Variants in CEP112 observed in about 807,000 individuals in gnomAD.
The protein encoded by CEP112 is centrosomal protein 112.
CEP112 carries 127 observed loss-of-function variants against 153.0 expected under a neutral mutation model. The ratio of observed to expected loss-of-function variants is 0.83; its 90% CI spans 0.72 to 0.96. The LOEUF (loss-of-function observed/expected upper bound fraction) is 0.96. Ranked by LOEUF, CEP112 falls within the 40% of genes least tolerant of loss-of-function variation. CEP112 has a pLI of 0.00. For missense variants in CEP112, 1,089 were observed against 1,101.2 expected, an observed-to-expected ratio of 0.99 and a Z score of 0.16; for synonymous variants, 358 against 374.4, an observed-to-expected ratio of 0.96 and a Z score of 0.51.
At chr17:65,659,173 T>G (rs1226832859) in intron 24 of CEP112, among the ~76,000 whole-genome samples, 2 of 152,030 alleles carry the variant, frequency 1.3e-5, no homozygotes, top group African/African-American at 4.8e-5. Flanking sequence ...TAAGAAGAAA[T>G]TAATTTGTTG....
chr17:65,807,903 G>T (rs1262615316), intron 21 of CEP112, among the ~76,000 whole-genome samples: 1 of 152,248 alleles, frequency 6.6e-6, no homozygotes, highest in Non-Finnish European at 1.5e-5. Flanking sequence ...CCCCACTGGG[G>T]CACTGCCTAG....
chr17:65,981,474 A>C (rs1275680298), intron 17 of CEP112, among the ~76,000 whole-genome samples: 1 of 152,206 alleles, frequency 6.6e-6, no homozygotes. Flanking sequence ...TTCTTCCTTT[A>C]AAATTTAACA....
chr17:65,979,195 A>T (rs2063140301), intron 17 of CEP112, among the ~76,000 whole-genome samples: 1 of 151,732 alleles, frequency 6.6e-6, no homozygotes, highest in Admixed American at 6.6e-5. Context: ...TAAGAAGAAA[A>T]TTATATTCAG....
intron 19 of CEP112, among the ~76,000 whole-genome samples, chr17:65,926,062 T>C (rs1303576348): frequency 1.3e-5 from 2 of 152,206 alleles, no homozygotes; most frequent in African/African-American, 4.8e-5. Flanking sequence ...TATTACTAAG[T>C]AAGAGGCAGA....
At position 66,114,439 on chromosome 17, in the gene CEP112, A is replaced by C. The variant is rs554691172; in HGVS notation, c.642+15307T>G. Among the ~76,000 whole-genome samples, 34 of 152,298 alleles carry C rather than the reference A, an allele frequency of 2.2e-4. No individual in the cohort carries two copies. In the South Asian group the frequency reaches 6.8e-3, roughly 31 times the overall value. On this transcript the variant is annotated intron_variant, in intron 6 of 26. Transcript: ENST00000535342. ...TACATTTCCAGAAAAATTAAAAGGC[A>C]CTTTATCTGATATACTATCTTAGCA...
intron 4 of CEP112, among the ~76,000 whole-genome samples, chr17:66,158,576 C>A (rs549707497): frequency 6.6e-6 from 1 of 152,096 alleles, no homozygotes; most frequent in Non-Finnish European, 1.5e-5. Context: ...CGCGCCACTG[C>A]ACTCCAGCCT....
intron 19 of CEP112, among the ~76,000 whole-genome samples, chr17:65,907,919 G>A (rs931910775): frequency 2.6e-5 from 4 of 152,122 alleles, no homozygotes; most frequent in Non-Finnish European, 5.9e-5. Context: ...AATGTCTAAC[G>A]GAGTTAATGA....
chr17:65,675,133 A>G (rs1228101309), intron 24 of CEP112, among the ~76,000 whole-genome samples: 3 of 152,248 alleles, frequency 2.0e-5, no homozygotes, highest in African/African-American at 7.2e-5. Context: ...CAGAATAAAT[A>G]CAGACATAGG....
chr17:66,156,668 CA>C (rs1248713307), intron 4 of CEP112, among the ~76,000 whole-genome samples: 1 of 152,010 alleles, frequency 6.6e-6, no homozygotes, highest in African/African-American at 2.4e-5. Context: ...CTAGAATAAC[CA>C]GTTTAGAGAA....
intron 21 of CEP112, among the ~76,000 whole-genome samples, chr17:65,769,765 G>C (rs775467208): frequency 1.1e-4 from 17 of 151,926 alleles, no homozygotes; most frequent in Admixed American, 7.9e-4. Context: ...AAAATCAACT[G>C]TCTCTCCAAA....
chr17:65,831,285 CA>C (rs2057068022), intron 21 of CEP112, among the ~76,000 whole-genome samples: 1 of 152,174 alleles, frequency 6.6e-6, no homozygotes, highest in African/African-American at 2.4e-5. Flanking sequence ...AGGCCAGGCG[CA>C]GTGGCTCATG....
intron 20 of CEP112, among the ~76,000 whole-genome samples, chr17:65,853,373 A>G (rs1222823672): frequency 6.6e-6 from 1 of 152,158 alleles, no homozygotes; most frequent in Non-Finnish European, 1.5e-5. Flanking sequence ...GACACTGGTC[A>G]TACTGGATTT....
intron 17 of CEP112, among the ~76,000 whole-genome samples, chr17:65,991,588 T>C (rs2063597586): frequency 1.3e-5 from 2 of 152,294 alleles, no homozygotes; most frequent in South Asian, 2.1e-4. Context: ...AGAATACTTT[T>C]TGAAAGTTCG....
At chr17:66,028,226 AT>A (rs1408609186) in intron 15 of CEP112, 86 bp downstream of exon 15, 15 of 774,112 alleles carry the variant, frequency 1.9e-5, no homozygotes, top group South Asian at 1.9e-4. Flanking sequence ...TCTGAGTTTT[AT>A]TTTTTTAATT....
At chr17:65,724,051 GAA>G (rs74767246) in intron 23 of CEP112, among the ~76,000 whole-genome samples, 29,677 of 151,954 alleles carry the variant, frequency 0.2, 3,473 homozygotes, top group South Asian at 0.27. Context: ...TGCTTCTCTT[GAA>G]AAAATGGGGG....
chr17:65,911,931 T>C (rs1014496043), intron 19 of CEP112, among the ~76,000 whole-genome samples: 1 of 152,200 alleles, frequency 6.6e-6, no homozygotes, highest in African/African-American at 2.4e-5. Context: ...TTCTTCTTTG[T>C]GTGCAGGACC....
intron 12 of CEP112, among the ~76,000 whole-genome samples, chr17:66,052,167 T>C (rs2066468690): frequency 6.6e-6 from 1 of 152,240 alleles, no homozygotes; most frequent in Non-Finnish European, 1.5e-5. Context: ...TTTACGACAG[T>C]GCAAAAGCAA....
chr17:65,818,944 GA>G (rs1277108349), intron 21 of CEP112, among the ~76,000 whole-genome samples: 2 of 151,594 alleles, frequency 1.3e-5, no homozygotes, highest in East Asian at 1.9e-4. Flanking sequence ...CATTCTAAGG[GA>G]AAAAAATATG....
intron 23 of CEP112, among the ~76,000 whole-genome samples, chr17:65,727,892 G>A (rs1007358344): frequency 5.3e-5 from 8 of 152,146 alleles, no homozygotes; most frequent in East Asian, 1.9e-4. Context: ...ACATAGACTC[G>A]AGGAACACCC....
Sources: allele counts gnomAD v4.1 joint callset (sites outside exome capture counted in the v4.1 genomes callset), GRCh38; gene constraint gnomAD v4.1.1; transcripts MANE v1.5; gene names NCBI Gene and HGNC (gene_info 2026-07-23, HGNC 2026-07-21).